Variants in DPP10 observed in about 807,000 individuals in gnomAD.
DPP10 encodes the protein inactive dipeptidyl peptidase 10.
Under a neutral mutation model 120.9 loss-of-function variants are expected in DPP10, and 33 were observed. That is an observed-to-expected ratio of 0.27 (90% CI 0.21 to 0.37). The LOEUF (loss-of-function observed/expected upper bound fraction) is 0.37, where lower values mean the gene tolerates loss of function less well. Among genes scored for constraint, DPP10 ranks in the 10% least tolerant of loss-of-function variants. The pLI, the probability that DPP10 is intolerant of heterozygous loss-of-function variation, is 1.00. For missense variants in DPP10, 816 were observed against 942.8 expected (o/e 0.87, Z 1.76); for synonymous variants, 337 against 326.1 (o/e 1.03, Z -0.36).
chr2:115,515,170 C>T (rs1396076397), intron 4 of DPP10, among the ~76,000 whole-genome samples: 20 of 151,950 alleles, frequency 1.3e-4, no homozygotes, highest in African/African-American at 4.6e-4. Flanking sequence ...TATTACATTA[C>T]TGCTCCAAAA....
At chr2:115,440,627 G>A (rs1300269754) in intron 3 of DPP10, among the ~76,000 whole-genome samples, 1 of 152,168 alleles carries the variant, frequency 6.6e-6, no homozygotes, top group East Asian at 1.9e-4. Context: ...TTATACCTAG[G>A]TTTAGGAAGG....
At chr2:115,181,720 A>C (rs1474235575) in intron 1 of DPP10, among the ~76,000 whole-genome samples, 1 of 152,208 alleles carries the variant, frequency 6.6e-6, no homozygotes, top group Non-Finnish European at 1.5e-5. Context: ...AAAGGAGGAA[A>C]AATGAATTTC....
intron 1 of DPP10, among the ~76,000 whole-genome samples, chr2:115,222,068 AT>A (rs2105424276): frequency 6.6e-6 from 1 of 152,250 alleles, no homozygotes; most frequent in South Asian, 2.1e-4. Flanking sequence ...GTTAGTAGGA[AT>A]TTAGGAACAC....
chr2:115,831,976 C>T (rs1471158595), intron 21 of DPP10, among the ~76,000 whole-genome samples: 1 of 152,060 alleles, frequency 6.6e-6, no homozygotes. Context: ...TCAAAAGTAG[C>T]CTCTAATTTA....
At chr2:115,523,611 G>A (rs2077954035) in intron 4 of DPP10, among the ~76,000 whole-genome samples, 1 of 152,096 alleles carries the variant, frequency 6.6e-6, no homozygotes, top group South Asian at 2.1e-4. Context: ...ATTTCATACT[G>A]TCCCCTTGAA....
intron 13 of DPP10, among the ~76,000 whole-genome samples, chr2:115,771,975 G>A (rs1302338385): frequency 2.6e-5 from 4 of 151,242 alleles, no homozygotes; most frequent in Non-Finnish European, 4.4e-5. Flanking sequence ...GAGTGATGGC[G>A]GTCACTACAT....
Position 115,175,600 on chromosome 2 carries a change from C to T in DPP10, c.61-133639C>T, listed in dbSNP as rs926111838. ...AATGAATAATTTGGAGTTTAAAAAA[C>T]TTATTGAATAATTGAACCTTAGTTT... is the stretch of plus-strand genomic sequence containing the variant. On this transcript the variant is annotated intron_variant, in intron 1 of 25. Coordinates refer to ENST00000410059, the MANE Select transcript of DPP10 (RefSeq NM_020868.6). Among the ~76,000 whole-genome samples, 94 of 152,200 alleles carry T rather than the reference C, an allele frequency of 6.2e-4. 1 individual carries two copies. Among genetic ancestry groups the T allele is most frequent in the Non-Finnish European group, 2.6e-4 (18 of 68,030 alleles).
At chr2:115,810,275 AG>A (rs1412808153) in intron 19 of DPP10, among the ~76,000 whole-genome samples, 1 of 152,194 alleles carries the variant, frequency 6.6e-6, no homozygotes, top group Non-Finnish European at 1.5e-5. Context: ...TAATTCCTCA[AG>A]GTACCTCAGC....
intron 3 of DPP10, among the ~76,000 whole-genome samples, chr2:115,398,915 C>A (rs2067869189): frequency 1.3e-5 from 2 of 152,274 alleles, no homozygotes; most frequent in African/African-American, 4.8e-5. Flanking sequence ...ATCAAAGGAA[C>A]AAGCCTGCCT....
chr2:114,480,603 A>G (rs1680939547), intron 1 of DPP10, among the ~76,000 whole-genome samples: 1 of 151,670 alleles, frequency 6.6e-6, no homozygotes, highest in Admixed American at 6.6e-5. Flanking sequence ...AAACTATCGC[A>G]AGGACAAAAA....
intron 7 of DPP10, among the ~76,000 whole-genome samples, chr2:115,720,863 G>C (rs2092631794): frequency 6.6e-6 from 1 of 152,192 alleles, no homozygotes; most frequent in Non-Finnish European, 1.5e-5. Context: ...TAAGGTTCCA[G>C]ATAAATTTTG....
chr2:114,952,805 C>CAGTT (rs1214194504), intron 1 of DPP10, among the ~76,000 whole-genome samples: 2 of 152,118 alleles, frequency 1.3e-5, no homozygotes, highest in Non-Finnish European at 2.9e-5. Flanking sequence ...GATGAGCAAA[C>CAGTT]AGTTAGGACA....
intron 1 of DPP10, among the ~76,000 whole-genome samples, chr2:114,645,497 A>G (rs183587011): frequency 6.6e-6 from 1 of 152,312 alleles, no homozygotes; most frequent in East Asian, 1.9e-4. Flanking sequence ...TTATGAGGTA[A>G]ACTGCATATT....
At chr2:115,441,911 G>T (rs1206518947) in intron 3 of DPP10, among the ~76,000 whole-genome samples, 1 of 150,432 alleles carries the variant, frequency 6.6e-6, no homozygotes, top group African/African-American at 2.5e-5. Context: ...CACTTCCTGG[G>T]TTCAAGTGAT....
intron 5 of DPP10, among the ~76,000 whole-genome samples, chr2:115,647,157 C>T (rs942344973): frequency 3.9e-5 from 6 of 152,140 alleles, no homozygotes; most frequent in African/African-American, 9.7e-5. Flanking sequence ...GTTAAAGACA[C>T]ATCAGGGCCT....
intron 1 of DPP10, among the ~76,000 whole-genome samples, chr2:115,190,187 T>C (rs1187486576): frequency 2.0e-5 from 3 of 152,228 alleles, no homozygotes; most frequent in Non-Finnish European, 1.5e-5. Context: ...TTATTCAAAC[T>C]ATGTTCTTAT....
Position 115,442,014 on chromosome 2 carries a change from A to G in DPP10, c.272-57496A>G, listed in dbSNP as rs200691769. Reference sequence around the variant, plus strand: ...TTTTTAGTAGAGACGGGATTTCACCATGTTAACCAGGATGGTGTCGATCTC... The same window carrying G: ...TTTTTAGTAGAGACGGGATTTCACCGTGTTAACCAGGATGGTGTCGATCTC... On this transcript the variant is annotated intron_variant, in intron 3 of 25. Coordinates refer to ENST00000410059, the MANE Select transcript of DPP10 (RefSeq NM_020868.6). Among the ~76,000 whole-genome samples the G allele has an allele frequency of 1.8e-4, 27 of 151,914 alleles. No individual in the cohort carries two copies. The East Asian group carries it at 4.9e-3, about 27-fold the overall frequency.
intron 1 of DPP10, among the ~76,000 whole-genome samples, chr2:114,826,123 T>C (rs1271567537): frequency 6.6e-6 from 1 of 152,180 alleles, no homozygotes; most frequent in Non-Finnish European, 1.5e-5. Context: ...GAAAAATACC[T>C]GGTTTGTAGC....
At chr2:114,918,445 G>C (rs529757258) in intron 1 of DPP10, among the ~76,000 whole-genome samples, 2 of 152,108 alleles carry the variant, frequency 1.3e-5, no homozygotes, top group African/African-American at 4.8e-5. Flanking sequence ...TCATTACTGG[G>C]TACTTACCCA....
Sources: gnomAD v4.1 joint callset for allele counts (sites outside exome capture counted in the v4.1 genomes callset) on GRCh38, gnomAD v4.1.1 for gene constraint, MANE v1.5 for transcripts, NCBI Gene and HGNC (gene_info 2026-07-23, HGNC 2026-07-21) for gene names.